The following NELL1 variants were observed in gnomAD, a reference collection of about 807,000 sequenced individuals.
NELL1 encodes neural EGFL like 1.
In NELL1, 76 loss-of-function variants were observed where a neutral mutation model predicts 107.4. That is an observed-to-expected ratio of 0.71 (90% CI 0.59 to 0.86). The LOEUF (loss-of-function observed/expected upper bound fraction) is 0.86. Among genes scored for constraint, NELL1 ranks in the 40% least tolerant of loss-of-function variants. The pLI, the probability that NELL1 is intolerant of heterozygous loss-of-function variation, is 0.00. For synonymous variants in NELL1, 353 were observed against 341.2 expected, an observed-to-expected ratio of 1.03 and a Z score of -0.38; for missense variants, 1,024 against 1,005.5, an observed-to-expected ratio of 1.02 and a Z score of -0.25.
intron 13 of NELL1, among the ~76,000 whole-genome samples, chr11:21,165,759 T>C (rs1204536701): frequency 2.8e-5 from 1 of 35,372 alleles, no homozygotes; most frequent in Non-Finnish European, 6.0e-5. Flanking sequence ...CAATGAGATC[T>C]TTTTTTTTTT....
intron 15 of NELL1, among the ~76,000 whole-genome samples, chr11:21,464,038 T>C (rs1276034050): frequency 1.3e-5 from 2 of 152,088 alleles, no homozygotes; most frequent in Non-Finnish European, 1.5e-5. Context: ...CGCCTAAGGG[T>C]ATTTGAATTT....
chr11:21,193,976 T>C (rs1479209150), intron 13 of NELL1, among the ~76,000 whole-genome samples: 1 of 151,878 alleles, frequency 6.6e-6, no homozygotes, highest in African/African-American at 2.4e-5. Context: ...TGGATCATCC[T>C]TATTCCATCA....
chr11:20,859,298 G>T (rs974051058), intron 4 of NELL1, among the ~76,000 whole-genome samples: 4 of 152,140 alleles, frequency 2.6e-5, no homozygotes, highest in Non-Finnish European at 4.4e-5. Context: ...CTGATCAGTT[G>T]GTCTTTAGAT....
intron 15 of NELL1, among the ~76,000 whole-genome samples, chr11:21,522,701 T>C (rs533077278): frequency 7.2e-5 from 11 of 152,254 alleles, no homozygotes; most frequent in African/African-American, 2.4e-4. Flanking sequence ...TTGTACCCCA[T>C]AAATTTATAC....
chr11:20,927,163 A>G (rs1412426163), intron 7 of NELL1, 145 bp from the exon 8 acceptor site: 1 of 685,402 alleles, frequency 1.5e-6, no homozygotes, highest in Non-Finnish European at 2.3e-6. Flanking sequence ...TAAAAAAAAC[A>G]AAAAACAGAT....
At chr11:21,314,213 C>G (rs1263552894) in intron 14 of NELL1, among the ~76,000 whole-genome samples, 2 of 152,078 alleles carry the variant, frequency 1.3e-5, no homozygotes, top group East Asian at 1.9e-4. Context: ...GCAAGAATGA[C>G]CTAACACAAA....
In NELL1 at chr11:20,905,678, A is replaced by G. The variant is rs571747961; in HGVS notation, c.604-12504A>G. On this transcript the variant is annotated intron_variant, in intron 5 of 19. Transcript: ENST00000357134. ...GAGGGATGCAAGAGAAGATTTGAGC[A>G]GGCTGAAGAATGAGTAATGGAACTT... 2.6e-5 allele frequency among the ~76,000 whole-genome samples: 4 copies of G among 152,320 alleles called. No individual in the cohort carries two copies. The South Asian group carries it at 6.2e-4, about 24-fold the overall frequency.
At chr11:21,232,832 TAATA>T (rs1858099240) in intron 14 of NELL1, among the ~76,000 whole-genome samples, 1 of 152,072 alleles carries the variant, frequency 6.6e-6, no homozygotes, top group South Asian at 2.1e-4. Flanking sequence ...TTTGTATTTT[TAATA>T]GAGATGGGGT....
At chr11:21,095,723 G>T (rs753010234) in intron 12 of NELL1, among the ~76,000 whole-genome samples, 1 of 152,076 alleles carries the variant, frequency 6.6e-6, no homozygotes, top group Non-Finnish European at 1.5e-5. Context: ...TGATTCTCCT[G>T]CCTCAGCCTC....
At chr11:21,136,707 G>A (rs1356999363) in intron 13 of NELL1, among the ~76,000 whole-genome samples, 2 of 152,172 alleles carry the variant, frequency 1.3e-5, no homozygotes, top group African/African-American at 4.8e-5. Context: ...CCTGTGGTTT[G>A]GAGCAATTTA....
At chr11:20,845,489 A>C (rs10833400) in intron 3 of NELL1, among the ~76,000 whole-genome samples, 51,061 of 151,966 alleles carry the variant, frequency 0.34, 9,938 homozygotes, top group African/African-American at 0.53. Context: ...TCCCTTCCCC[A>C]AGTAATTGCT....
chr11:20,797,435 G>A (rs776603743), intron 3 of NELL1, among the ~76,000 whole-genome samples: 1 of 151,744 alleles, frequency 6.6e-6, no homozygotes, highest in Admixed American at 6.6e-5. Flanking sequence ...GCGTGGTGGC[G>A]GGCGCCTGTA....
intron 12 of NELL1, among the ~76,000 whole-genome samples, chr11:21,075,843 A>G (rs1854122488): frequency 6.6e-6 from 1 of 152,170 alleles, no homozygotes; most frequent in Non-Finnish European, 1.5e-5. Context: ...TTTTTCTATA[A>G]TCGGTCATGG....
At chr11:21,030,101 G>T (rs1182384067) in intron 12 of NELL1, among the ~76,000 whole-genome samples, 1 of 152,168 alleles carries the variant, frequency 6.6e-6, no homozygotes, top group African/African-American at 2.4e-5. Context: ...TGTAGTATTG[G>T]ATGTTAGCTT....
intron 3 of NELL1, among the ~76,000 whole-genome samples, chr11:20,809,942 G>C (rs972864275): frequency 2.6e-5 from 4 of 152,134 alleles, no homozygotes; most frequent in Non-Finnish European, 4.4e-5. Flanking sequence ...CCTCCATACT[G>C]TTTTCCATGA....
In NELL1 at chr11:20,726,546, TA is replaced by T. The variant is rs757837945; in HGVS notation, c.184+48496del. ...AGTAGAAAAATCTTTGTTCCTGCTTTAAAAAAAAAACACTCAATATTATGTT... is the reference window on the plus strand; with the variant it reads ...AGTAGAAAAATCTTTGTTCCTGCTTTAAAAAAAAACACTCAATATTATGTT... On this transcript the variant is annotated intron_variant, in intron 2 of 19. Transcript: ENST00000357134. Among the ~76,000 whole-genome samples the T allele has an allele frequency of 8.1e-3, 1,198 of 148,600 alleles. 14 individuals carry two copies. Among genetic ancestry groups the T allele is most frequent in the African/African-American group, 0.028 (1,126 of 40,640 alleles).
intron 2 of NELL1, among the ~76,000 whole-genome samples, chr11:20,755,533 GGTTTTTGTTTTTTTTT>G (rs1266102081): frequency 1.7e-5 from 1 of 60,576 alleles, no homozygotes; most frequent in African/African-American, 4.3e-5. Context: ...GACCTGTGTG[GGTTTTTGTTTTTTTTT>G]GTTTTTGTTT....
At chr11:21,478,492 C>T (rs967166679) in intron 15 of NELL1, among the ~76,000 whole-genome samples, 2 of 152,114 alleles carry the variant, frequency 1.3e-5, no homozygotes, top group Non-Finnish European at 2.9e-5. Context: ...TCCCTTCTCC[C>T]TGGGAGCCTG....
chr11:20,823,885 A>C (rs144790531), intron 3 of NELL1, among the ~76,000 whole-genome samples: 1 of 151,446 alleles, frequency 6.6e-6, no homozygotes, highest in African/African-American at 2.4e-5. Flanking sequence ...TGGTTAGGAT[A>C]CAGGAGTGAC....
Sources: gnomAD v4.1 joint callset for allele counts (sites outside exome capture counted in the v4.1 genomes callset) on GRCh38, gnomAD v4.1.1 for gene constraint, MANE v1.5 for transcripts, NCBI Gene and HGNC (gene_info 2026-07-23, HGNC 2026-07-21) for gene names.